The following WWTR1 variants were observed in gnomAD, a reference collection of about 807,000 sequenced individuals.
The protein encoded by WWTR1 is WW domain-containing transcription regulator protein 1.
WWTR1 carries 13 observed loss-of-function variants against 40.1 expected under a neutral mutation model. The ratio of observed to expected loss-of-function variants is 0.32; its 90% CI spans 0.21 to 0.52. WWTR1 has a LOEUF of 0.52. Ranked by LOEUF, WWTR1 falls within the 20% of genes least tolerant of loss-of-function variation. WWTR1 has a pLI of 0.97. For synonymous variants in WWTR1, 230 were observed against 210.1 expected, an observed-to-expected ratio of 1.09 and a Z score of -0.82; for missense variants, 436 against 523.1, an observed-to-expected ratio of 0.83 and a Z score of 1.63.
chr3:149,660,682 A>G (rs749124377), upstream of WWTR1, among the ~76,000 whole-genome samples: 3 of 152,246 alleles, frequency 2.0e-5, no homozygotes, highest in Non-Finnish European at 4.4e-5. Flanking sequence ...CACTTCAGAC[A>G]AGACATTTAA....
intron 2 of WWTR1, among the ~76,000 whole-genome samples, chr3:149,603,948 G>A (rs755284828): frequency 4.6e-5 from 7 of 150,996 alleles, no homozygotes; most frequent in Admixed American, 1.3e-4. Flanking sequence ...ATTTTGCCAC[G>A]GTCATAGATT....
At chr3:149,550,207 C>T (rs549461522) in intron 3 of WWTR1, among the ~76,000 whole-genome samples, 1 of 152,218 alleles carries the variant, frequency 6.6e-6, no homozygotes, top group South Asian at 2.1e-4. Context: ...TACAAATGGA[C>T]ACAATCTTTA....
chr3:149,608,488 C>T (rs2108063016), intron 2 of WWTR1, among the ~76,000 whole-genome samples: 1 of 152,004 alleles, frequency 6.6e-6, no homozygotes, highest in South Asian at 2.1e-4. Flanking sequence ...TGGGTTCAAG[C>T]CATTTTCCTG....
intron 2 of WWTR1, among the ~76,000 whole-genome samples, chr3:149,655,013 C>T (rs1260942305): frequency 6.6e-6 from 1 of 152,022 alleles, no homozygotes; most frequent in Non-Finnish European, 1.5e-5. Flanking sequence ...GTAGTCCCAG[C>T]TACTCGGGAG....
At chr3:149,680,025 A>G (rs1023204714) in intron 1 of WWTR1, among the ~76,000 whole-genome samples, 3 of 152,164 alleles carry the variant, frequency 2.0e-5, no homozygotes, top group Non-Finnish European at 4.4e-5. Context: ...GTTACTTAAC[A>G]CTTCCCTTTC....
chr3:149,599,336 C>A (rs541491780), intron 2 of WWTR1, among the ~76,000 whole-genome samples: 4 of 152,342 alleles, frequency 2.6e-5, no homozygotes, highest in African/African-American at 9.6e-5. Flanking sequence ...CCAGGTTAAA[C>A]ACTGAAGTTC....
At chr3:149,666,976 G>A (rs1430182529) in intron 2 of WWTR1, among the ~76,000 whole-genome samples, 2 of 152,080 alleles carry the variant, frequency 1.3e-5, no homozygotes, top group Non-Finnish European at 2.9e-5. Context: ...ATGGCCATAC[G>A]ATGTACAGAG....
At position 149,657,105 on chromosome 3, in the gene WWTR1, CGGT is replaced by C; in HGVS notation, c.199_201del (p.Thr67del). On this transcript the variant is annotated inframe_deletion, in exon 2 of 7. Coordinates refer to ENST00000360632, the MANE Select transcript of WWTR1 (RefSeq NM_015472.6). ...GGCCCCGGGTGGCCGCCCGACGAGT[CGGT>C]GCTGGACTGGCGCGAGTGCGAGCCC... The C allele has an allele frequency of 6.3e-7, 1 of 1,580,708 alleles. No homozygotes were observed. The highest frequency in any genetic ancestry group is 8.6e-7 in the Non-Finnish European group (1 of 1,166,088).
chr3:149,643,188 C>T (rs1187540355), intron 2 of WWTR1, among the ~76,000 whole-genome samples: 2 of 152,206 alleles, frequency 1.3e-5, no homozygotes, highest in Admixed American at 6.5e-5. Flanking sequence ...TCTGAGTCCC[C>T]TTTGCCAGGT....
chr3:149,602,895 A>T (rs552287986), intron 2 of WWTR1, among the ~76,000 whole-genome samples: 1 of 152,148 alleles, frequency 6.6e-6, no homozygotes, highest in South Asian at 2.1e-4. Flanking sequence ...CCTGACCTCA[A>T]GTGATCCGCT....
At chr3:149,711,006 T>C (rs748634853) in intron 5 of WWTR1, among the ~76,000 whole-genome samples, 1 of 152,104 alleles carries the variant, frequency 6.6e-6, no homozygotes, top group African/African-American at 2.4e-5. Flanking sequence ...TCTGCTCTCA[T>C]AACCACTGTG....
At chr3:149,577,672 C>A (rs1425191796) in intron 2 of WWTR1, among the ~76,000 whole-genome samples, 1 of 152,200 alleles carries the variant, frequency 6.6e-6, no homozygotes, top group Non-Finnish European at 1.5e-5. Flanking sequence ...TATGAAAAAC[C>A]ATGTCGTGTG....
chr3:149,622,952 A>T (rs1486107709), intron 2 of WWTR1, among the ~76,000 whole-genome samples: 3 of 152,222 alleles, frequency 2.0e-5, no homozygotes, highest in African/African-American at 7.2e-5. Flanking sequence ...GTTTATCATT[A>T]TTCTTTCCTT....
At chr3:149,577,618 G>A (rs1009528059) in intron 2 of WWTR1, among the ~76,000 whole-genome samples, 6 of 152,140 alleles carry the variant, frequency 3.9e-5, no homozygotes, top group African/African-American at 1.4e-4. Flanking sequence ...GGGCAAGAAA[G>A]GTCACCACGT....
chr3:149,530,834 C>A (rs1735540388), intron 4 of WWTR1, among the ~76,000 whole-genome samples: 1 of 152,126 alleles, frequency 6.6e-6, no homozygotes, highest in African/African-American at 2.4e-5. Flanking sequence ...AGGGCAAATG[C>A]CGCCTTCTGT....
At chr3:149,573,928 A>G (rs904588340) in intron 2 of WWTR1, among the ~76,000 whole-genome samples, 12 of 146,672 alleles carry the variant, frequency 8.2e-5, no homozygotes, top group African/African-American at 2.8e-4. Flanking sequence ...CTCTTCCTTT[A>G]GTGAAAGTTT....
At chr3:149,687,055 T>C (rs1263094121) in intron 1 of WWTR1, among the ~76,000 whole-genome samples, 1 of 152,210 alleles carries the variant, frequency 6.6e-6, no homozygotes, top group African/African-American at 2.4e-5. Context: ...GCATTACTTT[T>C]ATTGTTGCCT....
chr3:149,528,100 A>C, intron 4 of WWTR1, 131 bp from the exon 5 acceptor site: 2 of 1,163,628 alleles, frequency 1.7e-6, no homozygotes, highest in Non-Finnish European at 2.4e-6. Flanking sequence ...CAAAATCACC[A>C]GGCAACCATT....
chr3:149,550,920 T>G (rs1402764225), intron 3 of WWTR1, among the ~76,000 whole-genome samples: 3 of 136,712 alleles, frequency 2.2e-5, no homozygotes, highest in African/African-American at 5.8e-5. Flanking sequence ...TATCTTTTAG[T>G]TTTTTTTTTT....
Sources: allele counts gnomAD v4.1 joint callset (sites outside exome capture counted in the v4.1 genomes callset), GRCh38; gene constraint gnomAD v4.1.1; transcripts MANE v1.5; gene names NCBI Gene and HGNC (gene_info 2026-07-23, HGNC 2026-07-21).